CANX: variants seen among roughly 807,000 people sequenced by gnomAD.
CANX encodes the protein epididymis secretory sperm binding protein.
CANX carries 14 observed loss-of-function variants against 75.7 expected under a neutral mutation model. The ratio of observed to expected loss-of-function variants is 0.19; its 90% confidence interval spans 0.12 to 0.29. The LOEUF (loss-of-function observed/expected upper bound fraction) is 0.29, where lower values mean the gene tolerates loss of function less well. Among genes scored for constraint, CANX ranks in the 10% least tolerant of loss-of-function variants. The probability of loss-of-function intolerance (pLI) is 1.00; values close to 1 mark genes in which losing one functional copy is unlikely to be tolerated. For missense variants in CANX, 567 were observed against 713.2 expected (o/e 0.79, Z 2.34); for synonymous variants, 227 against 236.9 (o/e 0.96, Z 0.38).
intron 10 of CANX, among the ~76,000 whole-genome samples, chr5:179,721,309 C>T (rs983564245): frequency 1.3e-5 from 2 of 152,220 alleles, no homozygotes; most frequent in Admixed American, 6.5e-5. Context: ...AGGCTGGTCT[C>T]GAACTCCTGA....
intron 1 of CANX, 120 bp downstream of exon 1, chr5:179,699,222 G>C: frequency 1.8e-6 from 1 of 556,932 alleles, no homozygotes; most frequent in African/African-American, 2.0e-5. Flanking sequence ...GGCTCTTGAG[G>C]GCCCAGGCCC....
At chr5:179,689,839 G>C (rs1350655099) in intron 1 of CANX, among the ~76,000 whole-genome samples, 1 of 152,050 alleles carries the variant, frequency 6.6e-6, no homozygotes, top group Non-Finnish European at 1.5e-5. Flanking sequence ...TTGATTTTGA[G>C]GACATTTAAT....
chr5:179,720,243 A>G (rs1236848586), intron 9 of CANX, among the ~76,000 whole-genome samples, 161 bp from the exon 10 acceptor site: 5 of 152,236 alleles, frequency 3.3e-5, no homozygotes, highest in African/African-American at 1.2e-4. Context: ...TTTAAAAAAT[A>G]AATTTTTCCT....
At chr5:179,686,580 A>G (rs1776194650) in intron 1 of CANX, among the ~76,000 whole-genome samples, 1 of 151,786 alleles carries the variant, frequency 6.6e-6, no homozygotes, top group Non-Finnish European at 1.5e-5. Flanking sequence ...GGCTCCGGTG[A>G]TCCTCCCATG....
intron 1 of CANX, among the ~76,000 whole-genome samples, chr5:179,684,172 A>G (rs74467251): frequency 0.015 from 2,271 of 152,262 alleles, 50 homozygotes; most frequent in African/African-American, 0.049. Context: ...ACAGTGAGTG[A>G]AAGTTTCTGT....
At position 179,679,078 on chromosome 5, in the gene CANX, C is replaced by G. The variant is rs777528778; in HGVS notation, c.-4+301C>G. On this transcript the variant is annotated intron_variant, in intron 1 of 14. Transcript: ENST00000681674. The stretch of plus-strand genomic sequence containing the variant: ...GCCGCGAGATGTGATCGGCCCAAAA[C>G]TGCTGCAGCGTCTGCCACAGGCGGC... 7.8e-6 allele frequency: 12 copies of G among 1,535,574 alleles called. No homozygotes were observed. Among genetic ancestry groups the G allele is most frequent in the African/African-American group, 6.8e-5 (5 of 73,064 alleles).
At chr5:179,713,018 C>T (rs1368005172) in intron 7 of CANX, among the ~76,000 whole-genome samples, 2 of 152,010 alleles carry the variant, frequency 1.3e-5, no homozygotes, top group Non-Finnish European at 2.9e-5. Context: ...ATCTGCCCGC[C>T]TCAGCTCCTG....
At chr5:179,695,351 C>T (rs1327847991), upstream of CANX, among the ~76,000 whole-genome samples, 13 of 142,058 alleles carry the variant, frequency 9.2e-5, no homozygotes, top group Admixed American at 2.9e-4. Context: ...GAGTTTGAGG[C>T]GGAGTTTCAC....
upstream of CANX, chr5:179,698,299 T>C: frequency 3.3e-6 from 2 of 598,252 alleles, no homozygotes; most frequent in Non-Finnish European, 4.4e-6. Context: ...AAAGTTCAAA[T>C]AACCTCGGAT....
intron 1 of CANX, among the ~76,000 whole-genome samples, chr5:179,691,375 G>C (rs930383789): frequency 6.6e-6 from 1 of 152,028 alleles, no homozygotes; most frequent in Non-Finnish European, 1.5e-5. Flanking sequence ...TGAAATGTTA[G>C]CCAGTGTATT....
chr5:179,694,270 A>C (rs542583659), upstream of CANX: 40 of 486,350 alleles, frequency 8.2e-5, no homozygotes, highest in African/African-American at 4.1e-4. Flanking sequence ...ACATGCAGAG[A>C]AGAATGTAAA....
At chr5:179,684,920 TTTTGTA>T (rs1776159281) in intron 1 of CANX, among the ~76,000 whole-genome samples, 1 of 112,598 alleles carries the variant, frequency 8.9e-6, no homozygotes, top group African/African-American at 3.2e-5. Flanking sequence ...ACCTGGCTAA[TTTTGTA>T]TTTTTTTTTT....
chr5:179,710,946 C>T (rs1348007144), intron 7 of CANX, among the ~76,000 whole-genome samples: 1 of 151,660 alleles, frequency 6.6e-6, no homozygotes, highest in Non-Finnish European at 1.5e-5. Flanking sequence ...ATCCTAGCTA[C>T]TCGGGAGGCT....
chr5:179,678,951 CG>C, intron 1 of CANX: 1 of 1,535,474 alleles, frequency 6.5e-7, no homozygotes, highest in Non-Finnish European at 8.7e-7. Flanking sequence ...CACGGCGCGC[CG>C]TAGGCGAGGC....
intron 1 of CANX, among the ~76,000 whole-genome samples, chr5:179,684,238 G>A (rs1320287727): frequency 6.6e-6 from 1 of 151,990 alleles, no homozygotes; most frequent in Non-Finnish European, 1.5e-5. Flanking sequence ...TAAAAAATTC[G>A]CTTAATTAAA....
intron 1 of CANX, among the ~76,000 whole-genome samples, chr5:179,703,353 G>A (rs1420153175): frequency 3.3e-5 from 5 of 151,922 alleles, no homozygotes; most frequent in African/African-American, 7.3e-5. Flanking sequence ...GAGTAGCTGC[G>A]GCTACAGGTG....
Position 179,679,216 on chromosome 5 carries a change from T to C in CANX, c.-4+439T>C, listed in dbSNP as rs770005320. ...GCTGGCGACTCGTGCTGCGCTCTTGTCTCGGGAGCCCGGATGTCCAGAATG... is the reference window on the plus strand; with the variant it reads ...GCTGGCGACTCGTGCTGCGCTCTTGCCTCGGGAGCCCGGATGTCCAGAATG... On this transcript the variant is annotated intron_variant, in intron 1 of 14. Coordinates refer to the CANX transcript ENST00000681674. 81 of 1,533,874 alleles carry C rather than the reference T, an allele frequency of 5.3e-5. 1 individual carries two copies. The highest frequency in any genetic ancestry group is 3.7e-5 in the Non-Finnish European group (42 of 1,146,528).
At chr5:179,694,755 A>C (rs1776360376), upstream of CANX, 2 of 624,638 alleles carry the variant, frequency 3.2e-6, no homozygotes, top group Admixed American at 5.2e-5. Context: ...GGAGATGAGG[A>C]GGAGGATGAA....
intron 1 of CANX, among the ~76,000 whole-genome samples, chr5:179,688,310 C>T (rs1776228050): frequency 6.6e-6 from 1 of 150,936 alleles, no homozygotes; most frequent in South Asian, 2.1e-4. Context: ...GGCTTAGCCT[C>T]CCAAAGTGCT....
Sources: allele counts gnomAD v4.1 joint callset (sites outside exome capture counted in the v4.1 genomes callset), GRCh38; gene constraint gnomAD v4.1.1; transcripts MANE v1.5; gene names NCBI Gene and HGNC (gene_info 2026-07-23, HGNC 2026-07-21).